IFT172: variants seen among roughly 807,000 people sequenced by gnomAD.
IFT172 encodes intraflagellar transport 172, also known as intraflagellar transport protein 172 homolog.
In IFT172, 164 loss-of-function variants were observed where a neutral mutation model predicts 248.9. The ratio of observed to expected loss-of-function variants is 0.66; its 90% CI spans 0.58 to 0.75. IFT172 has a LOEUF of 0.75. Ranked by LOEUF, IFT172 falls within the 30% of genes least tolerant of loss-of-function variation. The pLI, the probability that IFT172 is intolerant of heterozygous loss-of-function variation, is 0.00. For missense variants in IFT172, 1,950 were observed against 2,192.4 expected (o/e 0.89, Z 2.21); for synonymous variants, 729 against 791.6 (o/e 0.92, Z 1.33).
chr2:27,445,465 A>T lies in IFT172; in HGVS notation c.4915-16T>A, dbSNP rs377667733. ...TCTCAGCCTCCTGGAAAGGACAAGAAGGGAGTGGTAGCTTCACACAGGGCA... is the reference window on the plus strand; with the variant it reads ...TCTCAGCCTCCTGGAAAGGACAAGATGGGAGTGGTAGCTTCACACAGGGCA... On this transcript the variant is annotated splice_polypyrimidine_tract_variant and intron_variant, in intron 45 of 47. Coordinates refer to ENST00000260570, the MANE Select transcript of IFT172 (RefSeq NM_015662.3). This position sits in a 1 kb window ranked among gnomAD's most constrained non-coding sequence, Gnocchi z 4.4. 3.7e-6 allele frequency: 6 copies of T among 1,605,190 alleles called. No individual in the cohort carries two copies. Among genetic ancestry groups the T allele is most frequent in the Non-Finnish European group, 5.1e-6 (6 of 1,175,520 alleles).
chr2:27,466,645 C>A (rs1269681786), intron 16 of IFT172, among the ~76,000 whole-genome samples: 1 of 151,922 alleles, frequency 6.6e-6, no homozygotes, highest in Non-Finnish European at 1.5e-5. Flanking sequence ...TACAAGGAAA[C>A]CAACCACTAT....
Position 27,461,112 on chromosome 2 carries a change from T to C in IFT172, c.2443-19A>G, listed in dbSNP as rs199907803. The C allele has an allele frequency of 1.6e-4, 256 of 1,614,090 alleles. No homozygotes were observed. The African/African-American group carries it at 3.2e-3, about 20-fold the overall frequency. On this transcript the variant is annotated intron_variant, in intron 22 of 47. Coordinates refer to ENST00000260570, the MANE Select transcript of IFT172 (RefSeq NM_015662.3). ...CACCTGCCTGTTAACACATACCACATTACTATGATACCCCTACAACACAAA... is the reference window on the plus strand; with the variant it reads ...CACCTGCCTGTTAACACATACCACACTACTATGATACCCCTACAACACAAA...
Position 27,463,106 on chromosome 2 carries a change from G to A in IFT172, c.2013C>T (p.Ser671=). Residue 671 remains serine (S), a synonymous_variant, in exon 19 of 48, where the codon TCC becomes TCT. Transcript: ENST00000260570. ...GGAGCATAATACTTGCATATTCCCG[G>A]GATACTTGATCTGCAATCTCATTGG... is the stretch of plus-strand genomic sequence containing the variant. ...HETNEIADQV[S]REYGGEGTDF... is the part of the protein sequence containing the mutation. The A allele has an allele frequency of 6.2e-7, 1 of 1,614,032 alleles. No homozygotes were observed. Among genetic ancestry groups the A allele is most frequent in the Non-Finnish European group, 8.5e-7 (1 of 1,179,974 alleles).
At chr2:27,488,874 C>T (rs1668954602) in intron 1 of IFT172, among the ~76,000 whole-genome samples, 1 of 152,118 alleles carries the variant, frequency 6.6e-6, no homozygotes, top group Admixed American at 6.6e-5. Flanking sequence ...AAAACAAAAA[C>T]AAACAAAGAA....
At chr2:27,450,763 G>A (rs1225012624) in intron 35 of IFT172, among the ~76,000 whole-genome samples, 1 of 151,786 alleles carries the variant, frequency 6.6e-6, no homozygotes, top group African/African-American at 2.4e-5. Flanking sequence ...GCTAATTTTT[G>A]TATTTTTAGT....
intron 6 of IFT172, 99 bp downstream of exon 6, chr2:27,483,481 G>T: frequency 6.9e-7 from 1 of 1,440,984 alleles, no homozygotes. Context: ...CCTGCTACCA[G>T]TTCTCCTGCC....
chr2:27,489,376 C>A (rs933875816), intron 1 of IFT172, among the ~76,000 whole-genome samples: 7 of 152,172 alleles, frequency 4.6e-5, no homozygotes, highest in African/African-American at 1.7e-4. Context: ...GGGATTCCTA[C>A]GAACCCCAGC....
Position 27,445,544 on chromosome 2 carries a change from C to T in IFT172, c.4915-95G>A. 2.1e-6 allele frequency: 3 copies of T among 1,415,038 alleles called. No individual in the cohort carries two copies. In the South Asian group the frequency reaches 4.1e-5, roughly 19 times the overall value. The allele number at this position is 1,415,038 out of a possible 1,614,324, so 87.7% of individuals were successfully genotyped here. A position where few individuals can be genotyped will look rare whatever the true frequency, so the allele number is the denominator to read the frequency against. ...AGGAGGGGGTTTGCTAAGCCCTCAT[C>T]CTGTATACCAGCTTTTAGCCACGAA... On this transcript the variant is annotated intron_variant, in intron 45 of 47. Coordinates refer to ENST00000260570, the MANE Select transcript of IFT172 (RefSeq NM_015662.3). The surrounding 1 kb of genome is among the most constrained non-coding windows in gnomAD (Gnocchi z 4.4).
intron 20 of IFT172, among the ~76,000 whole-genome samples, 163 bp from the exon 21 acceptor site, chr2:27,461,999 CA>C (rs1366107139): frequency 2.0e-5 from 3 of 152,200 alleles, no homozygotes; most frequent in Non-Finnish European, 4.4e-5. Context: ...GCTTAAGCTT[CA>C]GGGCTCCTTA....
intron 10 of IFT172, among the ~76,000 whole-genome samples, chr2:27,479,080 C>G (rs1668162442): frequency 6.6e-6 from 1 of 152,252 alleles, no homozygotes; most frequent in East Asian, 1.9e-4. Context: ...TCTCAGCTCA[C>G]TGCAAGCTCC....
intron 11 of IFT172, 59 bp downstream of exon 11, chr2:27,477,936 C>T: frequency 1.9e-6 from 3 of 1,599,772 alleles, no homozygotes; most frequent in South Asian, 1.1e-5. Flanking sequence ...TTTTGGGTCC[C>T]CACAAATATT....
rs956366445 is a variant in IFT172 at position 27,476,942 on chromosome 2, C to G, written c.1326-216G>C. On this transcript the variant is annotated intron_variant, in intron 13 of 47. Transcript: ENST00000260570. ...GGCTCCGGGTGATTCTCCTACCTCA[C>G]CTTCCTGAGTAACTGGGACTACAGG... 5 of 588,138 alleles carry G rather than the reference C, an allele frequency of 8.5e-6. No homozygotes were observed. The Admixed American group carries it at 1.6e-4, about 19-fold the overall frequency. 36.4% of individuals were successfully genotyped at this position (588,138 alleles called of 1,614,324 possible). A position where few individuals can be genotyped will look rare whatever the true frequency, so the allele number is the denominator to read the frequency against.
intron 30 of IFT172, 119 bp downstream of exon 30, chr2:27,456,392 T>C (rs1169750326): frequency 7.5e-7 from 1 of 1,341,608 alleles, no homozygotes; most frequent in Admixed American, 2.3e-5. Context: ...GTTAATTTAT[T>C]CATGCCACTC....
intron 16 of IFT172, among the ~76,000 whole-genome samples, chr2:27,469,630 G>A (rs1461894050): frequency 6.6e-6 from 1 of 152,150 alleles, no homozygotes; most frequent in Non-Finnish European, 1.5e-5. Context: ...TCAGGAATTC[G>A]AGATCAGTCT....
rs1368965778 is a variant in IFT172 at position 27,445,138 on chromosome 2, T to C, written c.5069-33A>G. 1 of 1,612,104 alleles carries C rather than the reference T, an allele frequency of 6.2e-7. No individual in the cohort carries two copies. The highest frequency in any genetic ancestry group is 1.7e-5 in the Admixed American group (1 of 59,784). ...GGAAGAAAAAATGATGAACTGGGGT[T>C]TGAGAGAGATTGAGGAGGGAAAAAT... On this transcript the variant is annotated intron_variant, in intron 46 of 47. Coordinates refer to ENST00000260570, the MANE Select transcript of IFT172 (RefSeq NM_015662.3). This position sits in a 1 kb window ranked among gnomAD's most constrained non-coding sequence, Gnocchi z 4.4.
At chr2:27,465,635 AG>A (rs1159948036) in intron 17 of IFT172, 110 bp downstream of exon 17, 5 of 1,549,862 alleles carry the variant, frequency 3.2e-6, no homozygotes, top group Non-Finnish European at 4.4e-6. Context: ...ATCTCCTCCC[AG>A]GATCACTGGA....
At position 27,453,979 on chromosome 2, in the gene IFT172, C is replaced by T. The variant is rs202055593; in HGVS notation, c.3711+3G>A. On this transcript the variant is annotated splice_donor_region_variant and intron_variant, in intron 33 of 47. Coordinates refer to ENST00000260570, the MANE Select transcript of IFT172 (RefSeq NM_015662.3). ...CCTCATGGCCCTGCATCCAGTGCCC[C>T]ACCTTATAATAATTGAGGGCCAGGC... 2.5e-4 allele frequency: 409 copies of T among 1,609,578 alleles called. 1 individual carries two copies. Among genetic ancestry groups the T allele is most frequent in the Non-Finnish European group, 5.0e-5 (59 of 1,179,066 alleles).
chr2:27,470,682 T>C (rs1478340529), intron 16 of IFT172: 2 of 364,396 alleles, frequency 5.5e-6, no homozygotes. Context: ...GGGATCTCCA[T>C]ATTATGACCT....
chr2:27,455,931 C>T (rs753846837), intron 30 of IFT172: 19 of 268,078 alleles, frequency 7.1e-5, no homozygotes, highest in Admixed American at 1.5e-4. Flanking sequence ...AAGAAAAGTT[C>T]GGCCAGGCGC....
Sources: gnomAD v4.1 joint callset for allele counts (sites outside exome capture counted in the v4.1 genomes callset) on GRCh38, gnomAD v4.1.1 for gene constraint, Gnocchi (gnomAD v3.1) non-coding constraint, MANE v1.5 for transcripts, NCBI Gene and HGNC (gene_info 2026-07-23, HGNC 2026-07-21) for gene names.